GCNT2: variants seen among roughly 807,000 people sequenced by gnomAD.
GCNT2 encodes N-acetyllactosaminide beta-1,6-N-acetylglucosaminyl-transferase.
In GCNT2, 34 loss-of-function variants were observed where a neutral mutation model predicts 34.2. The observed-to-expected ratio is 1.00, with a 90% CI of 0.76 to 1.32. The LOEUF (loss-of-function observed/expected upper bound fraction) is 1.32. Among genes scored for constraint, GCNT2 ranks in the 40% most tolerant of loss-of-function variants. The pLI is 0.00. For synonymous variants in GCNT2, 212 were observed against 188.0 expected (o/e 1.13, Z -1.04); for missense variants, 584 against 489.4 (o/e 1.19, Z -1.82).
Position 10,627,762 on chromosome 6 carries a change from CAG to C in GCNT2, c.*1158_*1159del, listed in dbSNP as rs773840384. The stretch of plus-strand genomic sequence containing the variant: ...AGAAAGCCTCCTCTGGAGAATCTTA[CAG>C]AGTGATTGTAGTTTAATACAGGAAC... On this transcript the variant is annotated 3_prime_UTR_variant, in exon 5 of 5. Coordinates refer to ENST00000495262, the MANE Select transcript of GCNT2 (RefSeq NM_145649.5). The C allele has an allele frequency of 6.6e-6, 1 of 152,148 alleles. No individual in the cohort carries two copies. Among genetic ancestry groups the C allele is most frequent in the African/African-American group, 2.4e-5 (1 of 41,432 alleles). The allele number at this position is 152,148 out of a possible 1,614,324, so 9.4% of individuals were successfully genotyped here. A position where few individuals can be genotyped will look rare whatever the true frequency, so the allele number is the denominator to read the frequency against.
intron 3 of GCNT2, among the ~76,000 whole-genome samples, chr6:10,535,116 G>A (rs1423610433): frequency 3.3e-5 from 5 of 152,082 alleles, no homozygotes; most frequent in Admixed American, 6.6e-5. Flanking sequence ...CCTGGGAGGC[G>A]GAGGTTGCAA....
intron 3 of GCNT2, among the ~76,000 whole-genome samples, chr6:10,580,968 C>A (rs1381028389): frequency 6.6e-6 from 1 of 152,166 alleles, no homozygotes; most frequent in Admixed American, 6.5e-5. Flanking sequence ...GGGACTGATA[C>A]AGAATGACCA....
intron 3 of GCNT2, among the ~76,000 whole-genome samples, chr6:10,552,953 C>T (rs2113644450): frequency 6.6e-6 from 1 of 152,338 alleles, no homozygotes; most frequent in Admixed American, 6.5e-5. Context: ...CTAACCTTTT[C>T]TGCCAGTGCA....
At chr6:10,536,165 G>A (rs1761741123) in intron 3 of GCNT2, among the ~76,000 whole-genome samples, 1 of 152,168 alleles carries the variant, frequency 6.6e-6, no homozygotes, top group Admixed American at 6.5e-5. Flanking sequence ...TTGAGCCCCA[G>A]GGATGTGGCT....
intron 3 of GCNT2, among the ~76,000 whole-genome samples, chr6:10,531,501 A>G (rs1474497566): frequency 6.6e-6 from 1 of 152,186 alleles, no homozygotes; most frequent in Non-Finnish European, 1.5e-5. Context: ...CTAACTATTG[A>G]TATTTGTACA....
chr6:10,586,026 C>T (rs780473848), intron 3 of GCNT2: 2 of 1,614,102 alleles, frequency 1.2e-6, no homozygotes, highest in South Asian at 1.1e-5. Flanking sequence ...TGCTTTCACT[C>T]TGCTCAGCGT....
intron 3 of GCNT2, among the ~76,000 whole-genome samples, chr6:10,544,364 G>A (rs993197293): frequency 6.6e-6 from 1 of 151,240 alleles, no homozygotes; most frequent in African/African-American, 2.4e-5. Flanking sequence ...CAGCACTTTG[G>A]GAGGCTGAGG....
intron 3 of GCNT2, among the ~76,000 whole-genome samples, 196 bp from the exon 4 acceptor site, chr6:10,621,153 AGT>A (rs1185488190): frequency 2.0e-5 from 3 of 152,360 alleles, no homozygotes; most frequent in Admixed American, 2.0e-4. Flanking sequence ...TTAGATGATG[AGT>A]CAACAACTAA....
At chr6:10,605,663 A>G (rs576464721) in intron 3 of GCNT2, among the ~76,000 whole-genome samples, 4 of 152,290 alleles carry the variant, frequency 2.6e-5, no homozygotes, top group Admixed American at 2.0e-4. Flanking sequence ...GCTGGTACAC[A>G]TGAAAGCTAG....
chr6:10,572,459 C>T (rs188615770), intron 3 of GCNT2, among the ~76,000 whole-genome samples: 89 of 152,272 alleles, frequency 5.8e-4, no homozygotes, highest in Admixed American at 9.8e-4. Context: ...CGCTGTGGCT[C>T]ACGCCTGTAA....
chr6:10,528,506 C>A, intron 2 of GCNT2, 125 bp from the exon 3 acceptor site: 1 of 264,228 alleles, frequency 3.8e-6, no homozygotes, highest in South Asian at 4.8e-5. Context: ...GGACAAGAGG[C>A]TGAGGTTAAG....
intron 3 of GCNT2, among the ~76,000 whole-genome samples, chr6:10,606,624 G>GGAAATTTCCATTAAAGAAATTTAATA (rs1765323851): frequency 1.0e-5 from 1 of 97,360 alleles, no homozygotes; most frequent in African/African-American, 3.2e-5. Flanking sequence ...GAAATTTAAT[G>GGAAATTTCCATTAAAGAAATTTAATA]GAAATTTCCA....
At position 10,529,499 on chromosome 6, in the gene GCNT2, C is replaced by T; in HGVS notation, c.588C>T (p.Pro196=). The change falls in exon 3 of 5, where the codon CCC becomes CCT. Residue 196 remains proline, a synonymous_variant. Coordinates refer to ENST00000495262, the MANE Select transcript of GCNT2 (RefSeq NM_145649.5). Reference sequence around the variant, plus strand: ...TCAACACCTGCGGGCAAGACTTTCCCCTGAAAACCAACAGGGAAATAGTTC... The same window carrying T: ...TCAACACCTGCGGGCAAGACTTTCCTCTGAAAACCAACAGGGAAATAGTTC... ...YVINTCGQDF[P]LKTNREIVQY... 1 of 1,614,036 alleles carries T rather than the reference C, an allele frequency of 6.2e-7. No homozygotes were observed. The highest frequency in any genetic ancestry group is 8.5e-7 in the Non-Finnish European group (1 of 1,179,968).
intron 3 of GCNT2, among the ~76,000 whole-genome samples, chr6:10,583,247 T>C (rs1764201390): frequency 6.6e-6 from 1 of 152,178 alleles, no homozygotes; most frequent in Non-Finnish European, 1.5e-5. Flanking sequence ...TTGCCATTCA[T>C]TCCTACAGTT....
chr6:10,581,334 G>C (rs1764060844), intron 3 of GCNT2, among the ~76,000 whole-genome samples: 1 of 152,040 alleles, frequency 6.6e-6, no homozygotes, highest in African/African-American at 2.4e-5. Context: ...GCAATGGCGT[G>C]ATCTGGGCTC....
At chr6:10,577,357 G>A (rs935628156) in intron 3 of GCNT2, among the ~76,000 whole-genome samples, 1 of 152,118 alleles carries the variant, frequency 6.6e-6, no homozygotes, top group African/African-American at 2.4e-5. Context: ...CCTACCTTCG[G>A]GAGCTCAGCC....
intron 3 of GCNT2, among the ~76,000 whole-genome samples, chr6:10,585,507 GA>G (rs2127412134): frequency 1.3e-5 from 2 of 152,270 alleles, no homozygotes; most frequent in African/African-American, 4.8e-5. Flanking sequence ...GGGCTAGCCA[GA>G]AAAAACAGAG....
At chr6:10,612,395 T>C (rs1012144726) in intron 3 of GCNT2, among the ~76,000 whole-genome samples, 1 of 152,170 alleles carries the variant, frequency 6.6e-6, no homozygotes, top group Non-Finnish European at 1.5e-5. Flanking sequence ...ACATCTGTGG[T>C]TGGGGACCTG....
chr6:10,599,046 T>G (rs9466910), intron 3 of GCNT2, among the ~76,000 whole-genome samples: 16,735 of 152,158 alleles, frequency 0.11, 1,099 homozygotes, highest in Middle Eastern at 0.17. Context: ...CTTGTTAAGG[T>G]GCTAGAAAAA....
Sources: allele counts gnomAD v4.1 joint callset (sites outside exome capture counted in the v4.1 genomes callset), GRCh38; gene constraint gnomAD v4.1.1; transcripts MANE v1.5; gene names NCBI Gene and HGNC (gene_info 2026-07-23, HGNC 2026-07-21).